FOXP2: variants seen among roughly 807,000 people sequenced by gnomAD.
FOXP2 encodes forkhead box P2, also known as forkhead box protein P2.
A neutral mutation model predicts 115.8 loss-of-function variants in FOXP2; 12 were observed. The ratio of observed to expected loss-of-function variants is 0.10; its 90% CI spans 0.07 to 0.17. The LOEUF (loss-of-function observed/expected upper bound fraction) is 0.17, where lower values mean the gene tolerates loss of function less well. Ranked by LOEUF, FOXP2 falls within the 10% of genes least tolerant of loss-of-function variation. The pLI, the probability that FOXP2 is intolerant of heterozygous loss-of-function variation, is 1.00. For missense variants in FOXP2, 629 were observed against 843.5 expected (o/e 0.75, Z 3.15); for synonymous variants, 328 against 297.7 (o/e 1.10, Z -1.05).
intron 2 of FOXP2, among the ~76,000 whole-genome samples, chr7:114,301,975 C>T (rs1277702687): frequency 1.3e-5 from 2 of 152,060 alleles, no homozygotes; most frequent in East Asian, 1.9e-4. Flanking sequence ...TTGACAAGCT[C>T]AGCATTAGTG....
chr7:114,130,644 G>A (rs2894692), intron 1 of FOXP2, among the ~76,000 whole-genome samples: 4,104 of 152,206 alleles, frequency 0.027, 110 homozygotes, highest in African/African-American at 0.072. Flanking sequence ...ATATTTATGG[G>A]TTTAACTTTT....
chr7:114,446,675 TAAC>T (rs370790708), intron 2 of FOXP2, among the ~76,000 whole-genome samples: 1 of 151,958 alleles, frequency 6.6e-6, no homozygotes, highest in Non-Finnish European at 1.5e-5. Context: ...AAAATTGCAT[TAAC>T]AACAGTGTTC....
intron 1 of FOXP2, among the ~76,000 whole-genome samples, chr7:114,137,488 G>A (rs1792070866): frequency 6.6e-6 from 1 of 152,102 alleles, no homozygotes; most frequent in Admixed American, 6.5e-5. Context: ...GGAGTGCTCA[G>A]GAGAACCAAT....
intron 1 of FOXP2, among the ~76,000 whole-genome samples, chr7:114,248,781 CT>C: frequency 6.6e-6 from 1 of 152,210 alleles, no homozygotes; most frequent in East Asian, 1.9e-4. Context: ...AGGCATTGTT[CT>C]AAGAACATTA....
chr7:114,562,472 A>G (rs1218013257), intron 3 of FOXP2, among the ~76,000 whole-genome samples: 1 of 151,796 alleles, frequency 6.6e-6, no homozygotes, highest in Non-Finnish European at 1.5e-5. Context: ...CCAGGCAAGA[A>G]CTCCCTCTGC....
At chr7:114,385,484 G>T (rs1792423587) in intron 2 of FOXP2, among the ~76,000 whole-genome samples, 1 of 152,186 alleles carries the variant, frequency 6.6e-6, no homozygotes, top group Non-Finnish European at 1.5e-5. Flanking sequence ...AGGAGTTCGG[G>T]ACAACAGCTT....
intron 1 of FOXP2, among the ~76,000 whole-genome samples, chr7:114,422,038 A>G (rs900460619): frequency 4.6e-5 from 7 of 151,774 alleles, no homozygotes; most frequent in African/African-American, 1.7e-4. Context: ...TTCTTGTGTG[A>G]ATCTGCATAG....
chr7:114,314,660 G>T (rs1302222188), intron 2 of FOXP2, among the ~76,000 whole-genome samples: 1 of 152,104 alleles, frequency 6.6e-6, no homozygotes, highest in Non-Finnish European at 1.5e-5. Context: ...ACCTCAGGTT[G>T]GTATGTAGTA....
At chr7:114,525,201 T>C (rs908578275) in intron 2 of FOXP2, among the ~76,000 whole-genome samples, 1 of 152,180 alleles carries the variant, frequency 6.6e-6, no homozygotes, top group African/African-American at 2.4e-5. Context: ...ACTAGTATTA[T>C]ATATTTCCAA....
rs73432267 is a variant in FOXP2, at chr7:114,343,761, C to T, written c.-11+55652C>T. 5.0e-3 allele frequency among the ~76,000 whole-genome samples: 754 copies of T among 151,758 alleles called. 7 individuals are homozygous for T. The highest frequency in any genetic ancestry group is 0.016 in the African/African-American group (682 of 41,472). ...TTCCTTTACTTTCTTCAGAAATTTG[C>T]TCAATGTCACCTTCTTAATACAACT... On this transcript the variant is annotated intron_variant, in intron 2 of 17. Transcript: ENST00000634411.
intron 3 of FOXP2, among the ~76,000 whole-genome samples, chr7:114,539,144 T>G (rs1000030562): frequency 6.6e-6 from 1 of 151,862 alleles, no homozygotes; most frequent in East Asian, 1.9e-4. Flanking sequence ...AAACTAATTA[T>G]CAATACTGAA....
chr7:114,300,630 A>G (rs1419731601), intron 2 of FOXP2, among the ~76,000 whole-genome samples: 2 of 152,008 alleles, frequency 1.3e-5, no homozygotes, highest in East Asian at 1.9e-4. Flanking sequence ...CTCATTCCTC[A>G]AGCATTCTTA....
chr7:114,251,666 T>C (rs1795448150), intron 1 of FOXP2, among the ~76,000 whole-genome samples: 1 of 152,222 alleles, frequency 6.6e-6, no homozygotes, highest in Non-Finnish European at 1.5e-5. Context: ...CTGAAGTTGC[T>C]TATCAGCTTA....
chr7:114,613,455 C>T (rs756946212), intron 3 of FOXP2, among the ~76,000 whole-genome samples: 32 of 152,136 alleles, frequency 2.1e-4, no homozygotes, highest in Non-Finnish European at 3.4e-4. Flanking sequence ...GCAGGCGGAT[C>T]ATGAGGTCAG....
chr7:114,538,202 A>G, intron 3 of FOXP2: 2 of 559,710 alleles, frequency 3.6e-6, no homozygotes, highest in Non-Finnish European at 6.2e-6. Context: ...GCACACTTCC[A>G]TAATCTGTAA....
chr7:114,651,258 A>G (rs939374964), intron 8 of FOXP2, among the ~76,000 whole-genome samples: 2 of 152,092 alleles, frequency 1.3e-5, no homozygotes, highest in African/African-American at 2.4e-5. Context: ...CTTATATGCA[A>G]TGATGAGAAC....
chr7:114,248,858 AT>A (rs1255740451), intron 1 of FOXP2, among the ~76,000 whole-genome samples: 1 of 152,180 alleles, frequency 6.6e-6, no homozygotes, highest in South Asian at 2.1e-4. Flanking sequence ...AATTATTATT[AT>A]TTCAAATTTA....
In FOXP2 at chr7:114,693,142, T is replaced by C. The variant is rs1808764911; in HGVS notation, c.*3216T>C. ...TTGGATTCGTGGCACAGTTGTACTA[T>C]TTGAAAATCAATTAAAATTTTATGT... is the stretch of plus-strand genomic sequence containing the variant. On this transcript the variant is annotated 3_prime_UTR_variant, in exon 17 of 17. Transcript: ENST00000350908. The C allele has an allele frequency of 2.2e-6, 1 of 453,848 alleles. No homozygotes were observed. The allele number at this position is 453,848 out of a possible 1,614,324, so 28.1% of individuals were successfully genotyped here. A position where few individuals can be genotyped will look rare whatever the true frequency, so the allele number is the denominator to read the frequency against.
chr7:114,255,568 C>T (rs1364414630), intron 1 of FOXP2, among the ~76,000 whole-genome samples: 2 of 152,200 alleles, frequency 1.3e-5, no homozygotes, highest in South Asian at 2.1e-4. Context: ...GAACGAGGAT[C>T]CGTGGGCGTG....
Sources: allele counts gnomAD v4.1 joint callset (sites outside exome capture counted in the v4.1 genomes callset), GRCh38; gene constraint gnomAD v4.1.1; transcripts MANE v1.5; gene names NCBI Gene and HGNC (gene_info 2026-07-23, HGNC 2026-07-21).